The following DHDH variants were observed in gnomAD, a reference collection of about 807,000 sequenced individuals.
The protein encoded by DHDH is trans-1,2-dihydrobenzene-1,2-diol dehydrogenase.
DHDH carries 29 observed loss-of-function variants against 33.2 expected under a neutral mutation model. The observed-to-expected ratio is 0.87, with a 90% CI of 0.65 to 1.19. DHDH has a LOEUF of 1.19. Ranked by LOEUF, DHDH falls within the 50% of genes most tolerant of loss-of-function variation. DHDH has a pLI of 0.00. For synonymous variants in DHDH, 201 were observed against 187.9 expected (o/e 1.07, Z -0.57); for missense variants, 431 against 455.0 (o/e 0.95, Z 0.48).
At position 48,943,285 on chromosome 19, in the gene DHDH, A is replaced by G. The variant is rs1045706067; in HGVS notation, c.744+721A>G. On this transcript the variant is annotated intron_variant, in intron 5 of 6. Transcript: ENST00000221403. ...GAGGAGAAGCCAGTTATTATCAACCATGCTTAGTGGGCAGTTGTGAATTTC... is the reference window on the plus strand; with the variant it reads ...GAGGAGAAGCCAGTTATTATCAACCGTGCTTAGTGGGCAGTTGTGAATTTC... Among the ~76,000 whole-genome samples the G allele has an allele frequency of 2.6e-5, 4 of 151,954 alleles. No homozygotes were observed. The South Asian group carries it at 8.3e-4, about 32-fold the overall frequency.
chr19:48,940,193 A>G (rs149664178), intron 4 of DHDH, among the ~76,000 whole-genome samples: 10,592 of 151,658 alleles, frequency 0.07, 1,187 homozygotes, highest in African/African-American at 0.24. Context: ...CATCTCTACT[A>G]AAAATACAAA....
chr19:48,935,861 C>T (rs570193190), intron 2 of DHDH, among the ~76,000 whole-genome samples, 171 bp from the exon 3 acceptor site: 2 of 152,154 alleles, frequency 1.3e-5, no homozygotes, highest in Admixed American at 6.5e-5. Context: ...AAAAAGAGAG[C>T]GAGAATGGCG....
chr19:48,942,860 G>A (rs931652447), intron 5 of DHDH, among the ~76,000 whole-genome samples: 5 of 151,764 alleles, frequency 3.3e-5, no homozygotes, highest in African/African-American at 1.2e-4. Context: ...TTCCAGACCA[G>A]CCTGGACAAC....
intron 3 of DHDH, among the ~76,000 whole-genome samples, chr19:48,937,497 G>A (rs1036642545): frequency 2.0e-5 from 3 of 151,696 alleles, no homozygotes; most frequent in Non-Finnish European, 4.4e-5. Context: ...CCAACATGGC[G>A]AAACTCCGTC....
chr19:48,933,228 G>A (rs538297489), upstream of DHDH, among the ~76,000 whole-genome samples: 1 of 152,272 alleles, frequency 6.6e-6, no homozygotes, highest in African/African-American at 2.4e-5. Context: ...GCAGAGCTGA[G>A]GAGCTGGTCT....
At chr19:48,943,776 A>G (rs2037899649) in intron 5 of DHDH, among the ~76,000 whole-genome samples, 1 of 151,218 alleles carries the variant, frequency 6.6e-6, no homozygotes, top group Non-Finnish European at 1.5e-5. Context: ...CAGTGACCCG[A>G]GATCGAGCCA....
intron 2 of DHDH, among the ~76,000 whole-genome samples, 180 bp from the exon 3 acceptor site, chr19:48,935,852 A>G (rs1465141485): frequency 6.6e-6 from 1 of 152,206 alleles, no homozygotes; most frequent in Non-Finnish European, 1.5e-5. Flanking sequence ...AAAATTTTAA[A>G]AAAGAGAGCG....
chr19:48,936,107 T>G lies in DHDH; in HGVS notation c.278T>G (p.Val93Gly). Residue 93 changes from valine to glycine, a missense_variant, in exon 3 of 7, where the codon GTT becomes GGT. By Grantham distance (109) the Val-to-Gly change is moderately radical. Transcript: ENST00000221403. ...CTGTGCTTGGCGGCGGGCAAGGCCG[T>G]TCTGTGCGAGAAGCCCACGGGCGTG... The part of the protein sequence containing the change: ...VMLCLAAGKA[V>G]LCEKPTGVNA... The G allele has an allele frequency of 1.9e-6, 3 of 1,611,518 alleles. 1 individual carries two copies. In the South Asian group the frequency reaches 3.3e-5, roughly 18 times the overall value.
rs1421008729 is a variant in DHDH, at chr19:48,939,668, A to G, written c.586A>G (p.Lys196Glu). Residue 196 changes from lysine to glutamate, a missense_variant, in exon 4 of 7, where the codon AAG becomes GAG. Coordinates refer to ENST00000221403, the MANE Select transcript of DHDH (RefSeq NM_014475.4). ...SMVFGGQKPE[K>E]ISVVGRRHET... ...GGTCTTTGGAGGGCAGAAGCCAGAGAAGATTTCTGTCGTGGGAAGGCGTCA... is the reference window on the plus strand; with the variant it reads ...GGTCTTTGGAGGGCAGAAGCCAGAGGAGATTTCTGTCGTGGGAAGGCGTCA... 1.9e-6 allele frequency: 3 copies of G among 1,606,818 alleles called. No homozygotes were observed. Among genetic ancestry groups the G allele is most frequent in the Admixed American group, 1.7e-5 (1 of 59,602 alleles).
Position 48,940,312 on chromosome 19 carries a change from G to A in DHDH, c.619+611G>A, listed in dbSNP as rs147780869. Among the ~76,000 whole-genome samples the A allele has an allele frequency of 7.9e-3, 1,196 of 151,186 alleles. 19 individuals carry two copies. Among genetic ancestry groups the A allele is most frequent in the African/African-American group, 0.028 (1,153 of 41,166 alleles). Reference sequence around the variant, plus strand: ...GGAGGTTGCAGTGAGCTGAGATGGCGTCACTGTACTCTAGCCTGGGCGACA... The same window carrying A: ...GGAGGTTGCAGTGAGCTGAGATGGCATCACTGTACTCTAGCCTGGGCGACA... On this transcript the variant is annotated intron_variant, in intron 4 of 6. Coordinates refer to ENST00000221403, the MANE Select transcript of DHDH (RefSeq NM_014475.4).
rs1448037618 is a variant in DHDH, at chr19:48,944,506, G to C, written c.894G>C (p.Lys298Asn). The change falls in exon 6 of 7, where the codon AAG becomes AAC. Residue 298 changes from lysine (K) to asparagine (N), a missense_variant and splice_region_variant. Transcript: ENST00000221403. ...EAKHVWECLR[K>N]GMKESPVIPL... ...AGCACGTCTGGGAGTGCCTACGCAA[G>C]GGTAAGGATATGGATGCGGGGCAGG... 7 of 1,601,302 alleles carry C rather than the reference G, an allele frequency of 4.4e-6. No homozygotes were observed. The highest frequency in any genetic ancestry group is 1.7e-5 in the Admixed American group (1 of 59,280).
intron 5 of DHDH, among the ~76,000 whole-genome samples, chr19:48,943,852 A>T (rs2037901193): frequency 6.6e-6 from 1 of 150,620 alleles, no homozygotes; most frequent in African/African-American, 2.4e-5. Context: ...AAAATTAGTC[A>T]GGCATGGTAG....
intron 3 of DHDH, among the ~76,000 whole-genome samples, chr19:48,938,679 C>T (rs1022829014): frequency 2.0e-5 from 3 of 147,134 alleles, no homozygotes; most frequent in Non-Finnish European, 3.0e-5. Flanking sequence ...GAGTCTCGCT[C>T]TGTCGCCCAG....
At chr19:48,944,211 C>T in intron 5 of DHDH, 146 bp from the exon 6 acceptor site, 1 of 1,049,792 alleles carries the variant, frequency 9.5e-7, no homozygotes, top group East Asian at 2.5e-5. Flanking sequence ...GAAGGAGGGT[C>T]CAAAGCTCCC....
At position 48,936,198 on chromosome 19, in the gene DHDH, G is replaced by T; in HGVS notation, c.366+3G>T. 1 of 1,574,864 alleles carries T rather than the reference G, an allele frequency of 6.3e-7. No homozygotes were observed. The highest frequency in any genetic ancestry group is 8.6e-7 in the Non-Finnish European group (1 of 1,161,864). On this transcript the variant is annotated splice_donor_region_variant and intron_variant, in intron 3 of 6. Transcript: ENST00000221403. ...CCCGAGCCCTCTTCCTTATGGAGGT[G>T]AGGGCAGAGGAGCCCTTCCAATATC...
At chr19:48,938,535 C>T (rs919567868) in intron 3 of DHDH, among the ~76,000 whole-genome samples, 3 of 152,010 alleles carry the variant, frequency 2.0e-5, no homozygotes, top group East Asian at 1.9e-4. Flanking sequence ...GAGATGCACA[C>T]GTAACTCTTA....
intron 1 of DHDH, 52 bp downstream of exon 1, chr19:48,933,863 A>G: frequency 6.4e-7 from 1 of 1,552,326 alleles, no homozygotes; most frequent in Non-Finnish European, 8.8e-7. Flanking sequence ...GCGGGACTCC[A>G]GAGTCTAAAG....
chr19:48,942,296 G>C (rs117387587), intron 4 of DHDH, 144 bp from the exon 5 acceptor site: 3 of 953,494 alleles, frequency 3.1e-6, no homozygotes, highest in Non-Finnish European at 2.9e-6. Flanking sequence ...GAGCCACCGC[G>C]ACCAGCCAGC....
chr19:48,940,667 A>G (rs370690092), intron 4 of DHDH, among the ~76,000 whole-genome samples: 2 of 152,144 alleles, frequency 1.3e-5, no homozygotes, highest in East Asian at 3.9e-4. Context: ...CACCCTGGCC[A>G]ACATGGTAAA....
Sources: allele counts gnomAD v4.1 joint callset (sites outside exome capture counted in the v4.1 genomes callset), GRCh38; gene constraint gnomAD v4.1.1; transcripts MANE v1.5; gene names NCBI Gene and HGNC (gene_info 2026-07-23, HGNC 2026-07-21).